The following EIF2AK1 variants were observed in gnomAD, a reference collection of about 807,000 sequenced individuals.
EIF2AK1 encodes eukaryotic translation initiation factor 2-alpha kinase 1.
In EIF2AK1, 54 loss-of-function variants were observed where a neutral mutation model predicts 77.9. The ratio of observed to expected loss-of-function variants is 0.69; its 90% CI spans 0.56 to 0.87. The LOEUF (loss-of-function observed/expected upper bound fraction) is 0.87, where lower values mean the gene tolerates loss of function less well. Ranked by LOEUF, EIF2AK1 falls within the 40% of genes least tolerant of loss-of-function variation. EIF2AK1 has a pLI of 0.00. For synonymous variants in EIF2AK1, 314 were observed against 290.5 expected, an observed-to-expected ratio of 1.08 and a Z score of -0.82; for missense variants, 810 against 768.6, an observed-to-expected ratio of 1.05 and a Z score of -0.64.
intron 9 of EIF2AK1, among the ~76,000 whole-genome samples, chr7:6,040,418 G>A (rs1356825197): frequency 6.6e-6 from 1 of 152,048 alleles, no homozygotes; most frequent in Non-Finnish European, 1.5e-5. Flanking sequence ...GCGTGGCCAT[G>A]GAAGGAGGGT....
intron 1 of EIF2AK1, chr7:6,058,369 A>G (rs933389860): frequency 3.1e-6 from 1 of 321,638 alleles, no homozygotes; most frequent in African/African-American, 2.2e-5. Flanking sequence ...ATGAGCTATG[A>G]TTGTGCCACT....
Position 6,059,108 on chromosome 7 carries a change from C to G in EIF2AK1, c.-25G>C. 7.4e-7 allele frequency: 1 copy of G among 1,349,006 alleles called. No homozygotes were observed. Among genetic ancestry groups the G allele is most frequent in the Non-Finnish European group, 9.5e-7 (1 of 1,051,570 alleles). 83.6% of individuals were successfully genotyped at this position (1,349,006 alleles called of 1,614,324 possible). The stretch of plus-strand genomic sequence containing the variant: ...TCGCCGGCCGCGCGCGGGCCGCAGC[C>G]CAGCCCGCCGGCCAGCCCAGCACTG... On this transcript the variant is annotated 5_prime_UTR_variant, in exon 1 of 15. Coordinates refer to ENST00000199389, the MANE Select transcript of EIF2AK1 (RefSeq NM_014413.4).
intron 1 of EIF2AK1, among the ~76,000 whole-genome samples, chr7:6,056,613 A>AAAAAAATATATATATATATAT: frequency 2.3e-5 from 1 of 43,730 alleles, no homozygotes; most frequent in African/African-American, 8.2e-5. Flanking sequence ...AAAAAAAAAA[A>AAAAAAATATATATATATATAT]ATATATATAT....
chr7:6,049,259 A>G (rs1393684316), intron 3 of EIF2AK1, among the ~76,000 whole-genome samples: 1 of 152,112 alleles, frequency 6.6e-6, no homozygotes, highest in African/African-American at 2.4e-5. Flanking sequence ...AAAACCATAA[A>G]TTAGGTAGGG....
At position 6,023,098 on chromosome 7, in the gene EIF2AK1, G is replaced by C. The variant is rs1787552302; in HGVS notation, c.*1575C>G. 5.1e-6 allele frequency: 3 copies of C among 590,768 alleles called. No individual in the cohort carries two copies. In the South Asian group the frequency reaches 7.8e-5, roughly 15 times the overall value. 36.6% of individuals were successfully genotyped at this position (590,768 alleles called of 1,614,324 possible). The stretch of plus-strand genomic sequence containing the variant: ...ATCAAATACCAGGAATGACTCTTTG[G>C]TTACTTTTTTAACATAGTTTGCACT... On this transcript the variant is annotated 3_prime_UTR_variant, in exon 15 of 15. Coordinates refer to ENST00000199389, the MANE Select transcript of EIF2AK1 (RefSeq NM_014413.4).
intron 14 of EIF2AK1, among the ~76,000 whole-genome samples, chr7:6,025,480 C>T (rs986029046): frequency 1.3e-5 from 2 of 151,976 alleles, no homozygotes. Context: ...TTAGAGTAGA[C>T]AGGCGGTGGG....
intron 5 of EIF2AK1, chr7:6,046,548 T>TTAA (rs1788449331): frequency 6.2e-6 from 1 of 160,894 alleles, no homozygotes; most frequent in African/African-American, 2.4e-5. Flanking sequence ...ACATGACAAA[T>TTAA]GTTAAAGAAA....
intron 8 of EIF2AK1, 97 bp downstream of exon 8, chr7:6,042,836 A>T: frequency 2.0e-6 from 2 of 989,850 alleles, no homozygotes; most frequent in Non-Finnish European, 3.1e-6. Flanking sequence ...ACTGCACTCT[A>T]GTCTGGGTGA....
intron 11 of EIF2AK1, among the ~76,000 whole-genome samples, chr7:6,029,658 C>T (rs1224126655): frequency 7.2e-5 from 11 of 152,150 alleles, no homozygotes; most frequent in Non-Finnish European, 1.6e-4. Context: ...CCAACCCTTA[C>T]TGCACATCAT....
At chr7:6,046,948 A>C in intron 5 of EIF2AK1, 44 bp downstream of exon 5, 2 of 1,448,196 alleles carry the variant, frequency 1.4e-6, no homozygotes, top group Non-Finnish European at 9.4e-7. Flanking sequence ...CTGAAAACAC[A>C]ATTATTTAGG....
chr7:6,059,033 C>A lies in EIF2AK1; in HGVS notation c.51G>T (p.Gly17=). 1 of 1,521,716 alleles carries A rather than the reference C, an allele frequency of 6.6e-7. No individual in the cohort carries two copies. Among genetic ancestry groups the A allele is most frequent in the South Asian group, 1.2e-5 (1 of 80,580 alleles). The allele number at this position is 1,521,716 out of a possible 1,614,324, so 94.3% of individuals were successfully genotyped here. A position where few individuals can be genotyped will look rare whatever the true frequency, so the allele number is the denominator to read the frequency against. Reference sequence around the variant, plus strand: ...CCGGCGGCGCAGCCACAGCCCCAGCCCCGTCGCCCTCCTCTTCGCGCTTGC... The same window carrying A: ...CCGGCGGCGCAGCCACAGCCCCAGCACCGTCGCCCTCCTCTTCGCGCTTGC... ...GVRKREEEGD[G]AGAVAAPPAI... Residue 17 remains glycine, a synonymous_variant, in exon 1 of 15, where the codon GGG becomes GGT. Transcript: ENST00000199389.
chr7:6,041,774 G>C (rs930676438), intron 8 of EIF2AK1, among the ~76,000 whole-genome samples: 1 of 150,364 alleles, frequency 6.7e-6, no homozygotes, highest in Non-Finnish European at 1.5e-5. Flanking sequence ...CCGGGAGGAA[G>C]AGGTTACAGT....
chr7:6,053,667 C>T (rs1399977237), intron 2 of EIF2AK1, among the ~76,000 whole-genome samples: 37 of 117,490 alleles, frequency 3.1e-4, no homozygotes, highest in African/African-American at 1.0e-3. Context: ...CCAGCCCATT[C>T]TTTTTTTTTT....
chr7:6,045,269 C>T (rs1788414244), intron 6 of EIF2AK1, among the ~76,000 whole-genome samples: 1 of 152,014 alleles, frequency 6.6e-6, no homozygotes, highest in Admixed American at 6.6e-5. Flanking sequence ...CCACACCCAG[C>T]TAATTTTTGT....
chr7:6,050,764 A>G (rs139388395), intron 2 of EIF2AK1, among the ~76,000 whole-genome samples: 3,573 of 151,874 alleles, frequency 0.024, 130 homozygotes, highest in African/African-American at 0.081. Context: ...CACCAGGCCC[A>G]GCTAATTTTT....
rs1562740126 is a variant in EIF2AK1 at position 6,026,958 on chromosome 7, C to A, written c.1534G>T (p.Asp512Tyr). Residue 512 changes from aspartate (D) to tyrosine (Y), a missense_variant, in exon 14 of 15, where the codon GAT becomes TAT. Around this residue, in one of 3 missense-constraint regions of EIF2AK1, gnomAD observed 549 missense variants for 533.7 expected, o/e 1.03. Transcript: ENST00000199389. ...LEGSEYDAKS[D>Y]MYSLGVVLLE... ...AGGACCACACCCAAGCTGTACATATCTGACTGGAAAAAGAAAAAAAGGGGA... is the reference window on the plus strand; with the variant it reads ...AGGACCACACCCAAGCTGTACATATATGACTGGAAAAAGAAAAAAAGGGGA... 2 of 1,613,054 alleles carry A rather than the reference C, an allele frequency of 1.2e-6. No individual in the cohort carries two copies. Among genetic ancestry groups the A allele is most frequent in the Non-Finnish European group, 8.5e-7 (1 of 1,179,604 alleles).
rs144043189 is a variant in EIF2AK1 at position 6,047,043 on chromosome 7, T to C, written c.498A>G (p.Glu166=). The C allele has an allele frequency of 1.9e-6, 3 of 1,613,940 alleles. No individual in the cohort carries two copies. The highest frequency in any genetic ancestry group is 2.5e-6 in the Non-Finnish European group (3 of 1,180,004). The change falls in exon 5 of 15, where the codon GAA becomes GAG. Residue 166 remains glutamate (E), a synonymous_variant. Coordinates refer to ENST00000199389, the MANE Select transcript of EIF2AK1 (RefSeq NM_014413.4). ...TTCCTAAGATGGCAAGTTCTTCAAA[T>C]TCATTTAAGTAACGTGAAGTTTGTG... The part of the protein sequence containing the change: ...LEAQTSRYLN[E]FEELAILGKG...
At position 6,028,676 on chromosome 7, in the gene EIF2AK1, C is replaced by G. The variant is rs748149087; in HGVS notation, c.1469G>C (p.Arg490Thr). ...NGKRTPTHTS[R>T]VGTCLYASPE... is the part of the protein sequence containing the mutation. Reference sequence around the variant, plus strand: ...TGAAGCGTACAGACAAGTACCCACTCTGGACGTATGTGTTGGTGTTCCTAT... The same window carrying G: ...TGAAGCGTACAGACAAGTACCCACTGTGGACGTATGTGTTGGTGTTCCTAT... Residue 490 changes from arginine to threonine, a missense_variant, in exon 13 of 15, where the codon AGA becomes ACA. By Grantham distance (71) the Arg-to-Thr change is moderately conservative (BLOSUM62 -1). Around this residue, in one of 3 missense-constraint regions of EIF2AK1, gnomAD observed 549 missense variants for 533.7 expected, o/e 1.03. Coordinates refer to ENST00000199389, the MANE Select transcript of EIF2AK1 (RefSeq NM_014413.4). 103 of 1,614,254 alleles carry G rather than the reference C, an allele frequency of 6.4e-5. No individual in the cohort carries two copies. Among genetic ancestry groups the G allele is most frequent in the Non-Finnish European group, 8.7e-5 (103 of 1,180,042 alleles).
chr7:6,056,464 G>C (rs916608950), intron 1 of EIF2AK1, among the ~76,000 whole-genome samples: 2 of 147,258 alleles, frequency 1.4e-5, no homozygotes, highest in Admixed American at 6.8e-5. Flanking sequence ...TGTGGTGGCA[G>C]ACGCCTGTAA....
Sources: allele counts gnomAD v4.1 joint callset (sites outside exome capture counted in the v4.1 genomes callset), GRCh38; gene constraint gnomAD v4.1.1; regional missense constraint gnomAD v4.1.1; transcripts MANE v1.5; gene names NCBI Gene and HGNC (gene_info 2026-07-23, HGNC 2026-07-21).